The following FAM3A variants were observed in gnomAD, a reference collection of about 807,000 sequenced individuals.
FAM3A encodes the protein protein FAM3A.
In FAM3A, 5 loss-of-function variants were observed where a neutral mutation model predicts 18.1. The ratio of observed to expected loss-of-function variants is 0.28; its 90% CI spans 0.14 to 0.58. The LOEUF is 0.58. FAM3A is among the 20% of genes least tolerant of loss of function. FAM3A has a pLI of 0.91. For synonymous variants in FAM3A, 108 were observed against 90.2 expected, an observed-to-expected ratio of 1.20 and a Z score of -1.12; for missense variants, 154 against 216.6, an observed-to-expected ratio of 0.71 and a Z score of 1.81.
intron 1 of FAM3A, among the ~76,000 whole-genome samples, chrX:154,513,498 C>T (rs781985917): frequency 5.2e-4 from 58 of 110,746 alleles, no homozygotes; most frequent in African/African-American, 1.8e-3. Context: ...GGCATGGTGG[C>T]GCGCACCTGT....
rs1157142749 is a variant in FAM3A, at chrX:154,512,263, T to TAAGAAGAAG, written c.128-393_128-392insCTTCTTCTT. 4 of 156,435 alleles carry TAAGAAGAAG rather than the reference T, an allele frequency of 2.6e-5. No individual in the cohort carries two copies. The East Asian group carries it at 9.2e-4, about 36-fold the overall frequency. 12.9% of individuals were successfully genotyped at this position (156,435 alleles called of 1,213,427 possible). On this transcript the variant is annotated intron_variant, in intron 2 of 8. Transcript: ENST00000447601. The stretch of plus-strand genomic sequence containing the variant: ...ATAATAATAATAATAATAATAATAA[T>TAAGAAGAAG]AATAAGAAGAAGAAGAAGAAGAAGA...
Position 154,515,851 on chromosome X carries a change from G to A in FAM3A, c.-79C>T. The A allele has an allele frequency of 9.0e-7, 1 of 1,107,008 alleles. No individual in the cohort carries two copies. Among genetic ancestry groups the A allele is most frequent in the Non-Finnish European group, 1.2e-6 (1 of 802,691 alleles). 91.2% of individuals were successfully genotyped at this position (1,107,008 alleles called of 1,213,427 possible). On this transcript the variant is annotated 5_prime_UTR_variant, in exon 1 of 9. Coordinates refer to ENST00000447601, the MANE Select transcript of FAM3A (RefSeq NM_021806.4). ...AAGCGGAAGGACAGGTTTGGGTGGG[G>A]GTCAGGGGCAAGCCTGTGCGGGACC...
rs186320089 is a variant in FAM3A, at chrX:154,508,316, G to A, written c.307C>T (p.Arg103Cys). 1.8e-5 allele frequency: 19 copies of A among 1,028,791 alleles called. No individual in the cohort carries two copies. The highest frequency in any genetic ancestry group is 8.5e-5 in the Admixed American group (2 of 23,417). The allele number at this position is 1,028,791 out of a possible 1,213,427, so 84.8% of individuals were successfully genotyped here. Reference protein sequence around the residue: ...LMSSVKDNVGRGLNIALVNGV... With the variant: ...LMSSVKDNVGCGLNIALVNGV... ...TTCACCAGGGCGATGTTCAGCCCGC[G>A]GCCCACGTTGTCCTTGACGCTGCTC... Residue 103 changes from arginine (R) to cysteine (C), a missense_variant, in exon 5 of 9, where the codon CGC (arginine) becomes TGC (cysteine). Transcript: ENST00000447601.
At chrX:154,512,999 C>T in intron 1 of FAM3A, 63 bp from the exon 2 acceptor site, 1 of 724,629 alleles carries the variant, frequency 1.4e-6, no homozygotes, top group East Asian at 3.3e-5. Context: ...AGAATGACCC[C>T]ATAGCCTTGC....
At chrX:154,513,640 A>AAAAAC (rs1302026290) in intron 1 of FAM3A, among the ~76,000 whole-genome samples, 2 of 109,860 alleles carry the variant, frequency 1.8e-5, no homozygotes, top group Non-Finnish European at 3.8e-5. Flanking sequence ...AAACAAAAAC[A>AAAAAC]AAAACAAAAC....
intron 8 of FAM3A, 24 bp downstream of exon 8, chrX:154,507,179 G>A (rs1205976750): frequency 8.4e-7 from 1 of 1,185,452 alleles, no homozygotes; most frequent in Non-Finnish European, 1.1e-6. Flanking sequence ...CCCCGGTGGG[G>A]GTGATGCCAG....
At chrX:154,509,401 TG>T (rs2069743929) in intron 3 of FAM3A, 1 of 113,439 alleles carries the variant, frequency 8.8e-6, no homozygotes, top group African/African-American at 3.3e-5. Flanking sequence ...CCATTTCTGT[TG>T]TTTAAGCCAC....
At chrX:154,508,189 G>T in intron 5 of FAM3A, 100 bp downstream of exon 5, 2 of 638,702 alleles carry the variant, frequency 3.1e-6, no homozygotes, top group East Asian at 3.6e-5. Flanking sequence ...CTCCCTGGGA[G>T]ATCTTGAATG....
In FAM3A at chrX:154,508,455, G is replaced by A. The variant is rs1557220610; in HGVS notation, c.275+19C>T. The A allele has an allele frequency of 5.0e-6, 6 of 1,197,643 alleles. No homozygotes were observed. Among genetic ancestry groups the A allele is most frequent in the Non-Finnish European group, 6.8e-6 (6 of 886,425 alleles). The stretch of plus-strand genomic sequence containing the variant: ...TCCCCCACTCCCTCCCTGATCCCCA[G>A]TCACCCCAGGGAGCTCACATCTTGT... On this transcript the variant is annotated intron_variant, in intron 4 of 8. Transcript: ENST00000447601.
chrX:154,513,060 G>T, intron 1 of FAM3A, 124 bp from the exon 2 acceptor site: 1 of 459,194 alleles, frequency 2.2e-6, no homozygotes, highest in Non-Finnish European at 3.8e-6. Context: ...AGGACAAGGA[G>T]GTGGAGACCT....
Position 154,511,847 on chromosome X carries a change from C to A in FAM3A, c.151+1G>T. The stretch of plus-strand genomic sequence containing the variant: ...GAGCAGGGAGGTGACAGGGGCCTTA[C>A]CTGCAGTCACCGAGCTCTCTGGACC... On this transcript the variant is annotated splice_donor_variant, in intron 3 of 8. Transcript: ENST00000447601. LOFTEE classifies it high-confidence loss of function. 1 of 1,208,931 alleles carries A rather than the reference C, an allele frequency of 8.3e-7. No homozygotes were observed. The highest frequency in any genetic ancestry group is 1.1e-6 in the Non-Finnish European group (1 of 893,555).
At chrX:154,515,722 T>G (rs1557225450) in intron 1 of FAM3A, 38 bp downstream of exon 1, 8 of 1,205,518 alleles carry the variant, frequency 6.6e-6, no homozygotes, top group Non-Finnish European at 9.0e-6. Flanking sequence ...CCAGGTGCCC[T>G]TTTCAACTCC....
chrX:154,514,410 AT>A (rs1161245207), intron 1 of FAM3A, among the ~76,000 whole-genome samples: 30 of 100,900 alleles, frequency 3.0e-4, no homozygotes, highest in Non-Finnish European at 1.0e-4. Flanking sequence ...TGCCTGGCTA[AT>A]TTTTTTTTTT....
Position 154,516,015 on chromosome X carries a change from A to G in FAM3A, c.-243T>C, listed in dbSNP as rs1446071506. 7.2e-6 allele frequency: 3 copies of G among 414,078 alleles called. No homozygotes were observed. Among genetic ancestry groups the G allele is most frequent in the Non-Finnish European group, 1.3e-5 (3 of 237,962 alleles). The allele number at this position is 414,078 out of a possible 1,213,427, so 34.1% of individuals were successfully genotyped here. On this transcript the variant is annotated 5_prime_UTR_variant, in exon 1 of 9. Transcript: ENST00000447601. ...AACCCGTTGGCTCACGATCTTGCCC[A>G]CAGGAGCCTCCGGGGCTGGGACGAA...
rs781870571 is a variant in FAM3A at position 154,507,347 on chromosome X, G to A, written c.471-18C>T. On this transcript the variant is annotated intron_variant, in intron 7 of 8. Coordinates refer to ENST00000447601, the MANE Select transcript of FAM3A (RefSeq NM_021806.4). Reference sequence around the variant, plus strand: ...CATTCATCCTGCAGCATGGGAGGAAGGGGTGTCAGCTGTTGCTGCAGAAGG... The same window carrying A: ...CATTCATCCTGCAGCATGGGAGGAAAGGGTGTCAGCTGTTGCTGCAGAAGG... 3.3e-6 allele frequency: 4 copies of A among 1,212,048 alleles called. No individual in the cohort carries two copies. The highest frequency in any genetic ancestry group is 2.2e-5 in the Admixed American group (1 of 46,090).
intron 1 of FAM3A, among the ~76,000 whole-genome samples, chrX:154,513,494 G>GT (rs1373362278): frequency 9.0e-6 from 1 of 111,003 alleles, no homozygotes; most frequent in Non-Finnish European, 1.9e-5. Flanking sequence ...GCCGGGCATG[G>GT]TGGCGCGCAC....
rs781831303 is a variant in FAM3A, at chrX:154,507,101, C to T, written c.597+102G>A. Reference sequence around the variant, plus strand: ...CCACCCCTCATAGCTGGACTGGGGACGGTCCCCTGCTGGGGCGTGAGCAGC... The same window carrying T: ...CCACCCCTCATAGCTGGACTGGGGATGGTCCCCTGCTGGGGCGTGAGCAGC... On this transcript the variant is annotated intron_variant, in intron 8 of 8. Transcript: ENST00000447601. 557 of 1,056,788 alleles carry T rather than the reference C, an allele frequency of 5.3e-4. No individual in the cohort carries two copies. The African/African-American group carries it at 9.0e-3, about 17-fold the overall frequency. The allele number at this position is 1,056,788 out of a possible 1,213,427, so 87.1% of individuals were successfully genotyped here.
intron 8 of FAM3A, 36 bp downstream of exon 8, chrX:154,507,167 T>C: frequency 8.5e-7 from 1 of 1,176,428 alleles, no homozygotes. Flanking sequence ...GGCGACAGGC[T>C]GCCCCGGTGG....
At chrX:154,511,287 G>T (rs1557222479) in intron 3 of FAM3A, 1 of 112,146 alleles carries the variant, frequency 8.9e-6, no homozygotes, top group Non-Finnish European at 1.9e-5. Flanking sequence ...ATGAAGATGG[G>T]GTTATCTAGG....
Sources: allele counts gnomAD v4.1 joint callset (sites outside exome capture counted in the v4.1 genomes callset), GRCh38; gene constraint gnomAD v4.1.1; transcripts MANE v1.5; gene names NCBI Gene and HGNC (gene_info 2026-07-23, HGNC 2026-07-21).